KAZN: variants seen among roughly 807,000 people sequenced by gnomAD.
KAZN encodes kazrin, periplakin interacting protein.
A neutral mutation model predicts 87.4 loss-of-function variants in KAZN; 40 were observed. That is an observed-to-expected ratio of 0.46 (90% confidence interval 0.36 to 0.60). The LOEUF is 0.60. KAZN is among the 20% of genes least tolerant of loss of function. The probability of loss-of-function intolerance (pLI) is 0.00; values close to 1 mark genes in which losing one functional copy is unlikely to be tolerated. For missense variants in KAZN, 898 were observed against 1,073.9 expected (o/e 0.84, Z 2.29); for synonymous variants, 466 against 458.3 (o/e 1.02, Z -0.22).
intron 1 of KAZN, among the ~76,000 whole-genome samples, chr1:14,789,760 C>CAAAAAAAAAA (rs3032757): frequency 2.6e-4 from 12 of 46,252 alleles, no homozygotes; most frequent in African/African-American, 9.2e-4. Flanking sequence ...TCCTCATTAC[C>CAAAAAAAAAA]AAAAAAAAAA....
intron 2 of KAZN, among the ~76,000 whole-genome samples, chr1:14,302,290 C>A (rs371879655): frequency 1.9e-4 from 29 of 152,226 alleles, no homozygotes; most frequent in African/African-American, 6.8e-4. Flanking sequence ...GAAGTTGTCA[C>A]TTTTTCTCAA....
intron 2 of KAZN, among the ~76,000 whole-genome samples, chr1:15,005,565 C>T (rs1446715315): frequency 6.6e-6 from 1 of 152,142 alleles, no homozygotes; most frequent in Non-Finnish European, 1.5e-5. Context: ...GCAGGTGGAT[C>T]GCTTGAGGTC....
In KAZN at chr1:14,771,758, G is replaced by A. The variant is rs187017718; in HGVS notation, c.226+172535G>A. Among the ~76,000 whole-genome samples the A allele has an allele frequency of 5.4e-3, 817 of 152,174 alleles. 9 individuals are homozygous for A. Among genetic ancestry groups the A allele is most frequent in the African/African-American group, 0.019 (777 of 41,512 alleles). ...GGAGAATTGCTTGAACCCGGGAGGC[G>A]GAGGTTGCAGTGAGCCAAGACCGTG... On this transcript the variant is annotated intron_variant, in intron 1 of 14. Coordinates refer to ENST00000376030, the MANE Select transcript of KAZN (RefSeq NM_201628.3).
chr1:14,950,065 C>T (rs528214225), intron 1 of KAZN, among the ~76,000 whole-genome samples: 68 of 152,224 alleles, frequency 4.5e-4, no homozygotes, highest in African/African-American at 1.5e-3. Flanking sequence ...GCTGTATTAC[C>T]TGAGTCCCTG....
intron 2 of KAZN, chr1:14,304,536 G>A (rs1654783512): frequency 2.5e-6 from 1 of 397,992 alleles, no homozygotes; most frequent in Non-Finnish European, 4.4e-6. Flanking sequence ...TCCGTTCTGA[G>A]GAAGTTTGGT....
chr1:14,095,738 T>C (rs1644112174), intron 1 of KAZN, among the ~76,000 whole-genome samples: 1 of 152,188 alleles, frequency 6.6e-6, no homozygotes, highest in African/African-American at 2.4e-5. Context: ...TCAAACTTCT[T>C]ACACGGTTTC....
intron 2 of KAZN, among the ~76,000 whole-genome samples, chr1:14,276,339 T>C (rs1652354717): frequency 6.6e-6 from 1 of 152,188 alleles, no homozygotes; most frequent in Non-Finnish European, 1.5e-5. Context: ...GTTGAGAAGA[T>C]CTTATGGTTT....
In KAZN at chr1:15,056,781, G is replaced by A. The variant is rs1204507302; in HGVS notation, c.916+501G>A. 2.0e-5 allele frequency among the ~76,000 whole-genome samples: 3 copies of A among 152,224 alleles called. No individual in the cohort carries two copies. The highest frequency in any genetic ancestry group is 4.4e-5 in the Non-Finnish European group (3 of 68,042). ...CACAGGGCATCCAAGAGGGGCTGATGTCAATGTCACAGGTGTTTGCTCCAG... is the reference window on the plus strand; with the variant it reads ...CACAGGGCATCCAAGAGGGGCTGATATCAATGTCACAGGTGTTTGCTCCAG... On this transcript the variant is annotated intron_variant, in intron 5 of 14. Transcript: ENST00000376030. The surrounding 1 kb of genome is among the most constrained non-coding windows in gnomAD (Gnocchi z 5.4).
rs201368852 is a variant in KAZN at position 15,104,217 on chromosome 1, T to C, written c.2048+28T>C. On this transcript the variant is annotated intron_variant, in intron 13 of 14. Coordinates refer to ENST00000376030, the MANE Select transcript of KAZN (RefSeq NM_201628.3). Reference sequence around the variant, plus strand: ...GAGCACGGGCTGGGATCCAGTCATGTGGGCTGCTGGGTACAGTACAGCTCA... The same window carrying C: ...GAGCACGGGCTGGGATCCAGTCATGCGGGCTGCTGGGTACAGTACAGCTCA... The C allele has an allele frequency of 1.9e-6, 3 of 1,547,344 alleles. No individual in the cohort carries two copies. In the Admixed American group the frequency reaches 5.9e-5, roughly 30 times the overall value.
At chr1:14,457,554 C>T (rs1376143742) in intron 2 of KAZN, among the ~76,000 whole-genome samples, 1 of 152,008 alleles carries the variant, frequency 6.6e-6, no homozygotes, top group Non-Finnish European at 1.5e-5. Flanking sequence ...TTATTGGTTT[C>T]ATTGTTCTTG....
chr1:14,803,803 A>G (rs534465815), intron 1 of KAZN, among the ~76,000 whole-genome samples: 1 of 152,308 alleles, frequency 6.6e-6, no homozygotes, highest in South Asian at 2.1e-4. Context: ...CTCTGGAGCC[A>G]CTGGATGTGG....
intron 2 of KAZN, among the ~76,000 whole-genome samples, chr1:14,313,264 C>A (rs1557633177): frequency 6.6e-6 from 1 of 152,094 alleles, no homozygotes; most frequent in Admixed American, 6.6e-5. Context: ...CATCTAACAT[C>A]ATAGATTAGT....
intron 1 of KAZN, among the ~76,000 whole-genome samples, chr1:14,893,103 C>T (rs114266546): frequency 0.014 from 2,197 of 152,296 alleles, 54 homozygotes; most frequent in African/African-American, 0.05. Flanking sequence ...TGTGGTGGCT[C>T]ATGCCTGTAA....
intron 5 of KAZN, among the ~76,000 whole-genome samples, chr1:15,059,566 C>T (rs754429436): frequency 1.3e-5 from 2 of 151,998 alleles, no homozygotes; most frequent in Non-Finnish European, 2.9e-5. Context: ...TCATGGTCTT[C>T]CAGGCGAGAG....
At chr1:14,083,079 C>T (rs554434312) in intron 1 of KAZN, among the ~76,000 whole-genome samples, 3 of 152,236 alleles carry the variant, frequency 2.0e-5, no homozygotes, top group African/African-American at 4.8e-5. Context: ...GTAGTCCCAG[C>T]GACTCGGGAG....
intron 1 of KAZN, among the ~76,000 whole-genome samples, chr1:14,080,143 A>G (rs1040587313): frequency 6.6e-6 from 1 of 152,250 alleles, no homozygotes; most frequent in African/African-American, 2.4e-5. Context: ...TGGGGTCCCT[A>G]TAATGAAAGA....
At chr1:14,175,297 G>T (rs1262636497) in intron 1 of KAZN, among the ~76,000 whole-genome samples, 1 of 152,126 alleles carries the variant, frequency 6.6e-6, no homozygotes, top group Non-Finnish European at 1.5e-5. Context: ...TAGAGACAGG[G>T]TTTCACCGTG....
intron 4 of KAZN, among the ~76,000 whole-genome samples, chr1:15,050,765 G>T (rs989610360): frequency 1.3e-5 from 2 of 152,048 alleles, no homozygotes; most frequent in African/African-American, 4.8e-5. Context: ...GCCCAATCCC[G>T]AGCCCACCTG....
intron 2 of KAZN, among the ~76,000 whole-genome samples, chr1:14,441,360 G>GGCAGCAGCGGCA (rs1336872184): frequency 2.6e-5 from 4 of 151,846 alleles, no homozygotes; most frequent in African/African-American, 9.7e-5. Context: ...TGTTGTTCCG[G>GGCAGCAGCGGCA]GCAGCAGCGG....
Sources: gnomAD v4.1 joint callset for allele counts (sites outside exome capture counted in the v4.1 genomes callset) on GRCh38, gnomAD v4.1.1 for gene constraint, Gnocchi (gnomAD v3.1) non-coding constraint, MANE v1.5 for transcripts, NCBI Gene and HGNC (gene_info 2026-07-23, HGNC 2026-07-21) for gene names.